The following SLC45A4 variants were observed in gnomAD, a reference collection of about 807,000 sequenced individuals.
The protein encoded by SLC45A4 is solute carrier family 45 member 4.
Under a neutral mutation model 63.7 loss-of-function variants are expected in SLC45A4, and 32 were observed. The observed-to-expected ratio is 0.50, with a 90% CI of 0.38 to 0.67. SLC45A4 has a LOEUF of 0.67. SLC45A4 is among the 30% of genes least tolerant of loss of function. SLC45A4 has a pLI of 0.00. For synonymous variants in SLC45A4, 535 were observed against 510.0 expected, an observed-to-expected ratio of 1.05 and a Z score of -0.66; for missense variants, 1,027 against 1,157.7, an observed-to-expected ratio of 0.89 and a Z score of 1.64.
At chr8:141,271,919 T>C (rs1347545007) in intron 1 of SLC45A4, among the ~76,000 whole-genome samples, 5 of 151,440 alleles carry the variant, frequency 3.3e-5, no homozygotes, top group Admixed American at 6.6e-5. Flanking sequence ...CGCTCACACG[T>C]GTGCAACACA....
Position 141,227,108 on chromosome 8 carries a change from C to T in SLC45A4, c.242-5343G>A, listed in dbSNP as rs577270278. 3.9e-4 allele frequency among the ~76,000 whole-genome samples: 60 copies of T among 152,320 alleles called. No homozygotes were observed. The highest frequency in any genetic ancestry group is 1.3e-3 in the African/African-American group (55 of 41,572). ...CCAGCCCGGCTCCAAACACACACAA[C>T]GCTGGGCCCAGTAAATAAGTTTTGT... is the stretch of plus-strand genomic sequence containing the variant. On this transcript the variant is annotated intron_variant, in intron 2 of 8. Coordinates refer to ENST00000517878, the MANE Select transcript of SLC45A4 (RefSeq NM_001286646.2). The surrounding 1 kb of genome is among the most constrained non-coding windows in gnomAD (Gnocchi z 4.4).
intron 1 of SLC45A4, among the ~76,000 whole-genome samples, chr8:141,306,931 A>G (rs968493329): frequency 1.3e-5 from 2 of 152,202 alleles, no homozygotes; most frequent in African/African-American, 4.8e-5. Flanking sequence ...ACAGCCCCCA[A>G]AACAGTAATA....
rs763779178 is a variant in SLC45A4 at position 141,218,957 on chromosome 8, C to T, written c.683G>A (p.Arg228Gln). 1.7e-5 allele frequency: 28 copies of T among 1,613,510 alleles called. No individual in the cohort carries two copies. The highest frequency in any genetic ancestry group is 5.0e-5 in the Admixed American group (3 of 60,002). Residue 228 changes from arginine to glutamine, a missense_variant, in exon 5 of 9, where the codon CGG (arginine) becomes CAG (glutamine). Coordinates refer to ENST00000517878, the MANE Select transcript of SLC45A4 (RefSeq NM_001286646.2). ...GAAGAAGAGCACCTGGTTCTGGGTCCGGAACCAGCTGCCCAGGAAGGTCTG... is the reference window on the plus strand; with the variant it reads ...GAAGAAGAGCACCTGGTTCTGGGTCTGGAACCAGCTGCCCAGGAAGGTCTG... ...WTQTFLGSWF[R>Q]TQNQVLFFFA...
chr8:141,277,901 C>G (rs1241835904), intron 1 of SLC45A4, among the ~76,000 whole-genome samples: 2 of 152,140 alleles, frequency 1.3e-5, no homozygotes, highest in African/African-American at 4.8e-5. Flanking sequence ...TTCAGCCTCA[C>G]AAAGTGAAAA....
chr8:141,253,973 C>T lies in SLC45A4; in HGVS notation c.241+16G>A, dbSNP rs774730922. On this transcript the variant is annotated intron_variant, in intron 2 of 8. Coordinates refer to ENST00000517878, the MANE Select transcript of SLC45A4 (RefSeq NM_001286646.2). Reference sequence around the variant, plus strand: ...CCGCTCAGCGTTCACTGCGCACAGACGGGGAGGAGACTTACCAATCTGCAA... The same window carrying T: ...CCGCTCAGCGTTCACTGCGCACAGATGGGGAGGAGACTTACCAATCTGCAA... 2.9e-5 allele frequency: 45 copies of T among 1,535,670 alleles called. No homozygotes were observed. Among genetic ancestry groups the T allele is most frequent in the African/African-American group, 1.4e-4 (10 of 73,042 alleles).
intron 2 of SLC45A4, among the ~76,000 whole-genome samples, chr8:141,234,662 C>T (rs890396727): frequency 1.3e-5 from 2 of 152,196 alleles, no homozygotes; most frequent in African/African-American, 4.8e-5. Context: ...TATTCTCCTG[C>T]GCGCTGCCAG....
At chr8:141,293,535 C>T (rs1242546377) in intron 1 of SLC45A4, among the ~76,000 whole-genome samples, 1 of 152,218 alleles carries the variant, frequency 6.6e-6, no homozygotes, top group Non-Finnish European at 1.5e-5. Flanking sequence ...CCACTGAAGA[C>T]AGTGTGGCAA....
intron 2 of SLC45A4, among the ~76,000 whole-genome samples, chr8:141,248,439 C>T (rs903129718): frequency 1.3e-5 from 2 of 151,936 alleles, no homozygotes; most frequent in African/African-American, 2.4e-5. Flanking sequence ...TGTGGTGGTG[C>T]GTACCTACAG....
intron 1 of SLC45A4, among the ~76,000 whole-genome samples, chr8:141,285,193 C>T (rs1830092410): frequency 1.3e-5 from 2 of 152,216 alleles, no homozygotes; most frequent in Non-Finnish European, 2.9e-5. Context: ...TGGTCACTGC[C>T]CTGCCCTGCC....
rs1397324609 is a variant in SLC45A4, at chr8:141,227,239, C to T, written c.242-5474G>A. Among the ~76,000 whole-genome samples, 1 of 151,988 alleles carries T rather than the reference C, an allele frequency of 6.6e-6. No homozygotes were observed. Among genetic ancestry groups the T allele is most frequent in the Non-Finnish European group, 1.5e-5 (1 of 68,018 alleles). Reference sequence around the variant, plus strand: ...GCCGCAGGCTGTGTGAGGTCACGGGCGACGCTCGGGTCACGTGTGGCGGCT... The same window carrying T: ...GCCGCAGGCTGTGTGAGGTCACGGGTGACGCTCGGGTCACGTGTGGCGGCT... On this transcript the variant is annotated intron_variant, in intron 2 of 8. Coordinates refer to ENST00000517878, the MANE Select transcript of SLC45A4 (RefSeq NM_001286646.2). The surrounding 1 kb of genome is among the most constrained non-coding windows in gnomAD (Gnocchi z 4.4).
At chr8:141,270,585 C>A (rs575863621) in intron 1 of SLC45A4, among the ~76,000 whole-genome samples, 1 of 151,838 alleles carries the variant, frequency 6.6e-6, no homozygotes, top group Non-Finnish European at 1.5e-5. Flanking sequence ...GTGGGAGAAC[C>A]GCTTGAGGCC....
intron 6 of SLC45A4, among the ~76,000 whole-genome samples, 162 bp downstream of exon 6, chr8:141,216,928 G>A (rs1040397148): frequency 3.3e-5 from 5 of 152,230 alleles, no homozygotes; most frequent in Non-Finnish European, 5.9e-5. Flanking sequence ...GAGGACATGG[G>A]AATTTCGATG....
In SLC45A4 at chr8:141,254,157, G is replaced by C. The variant is rs1210440715; in HGVS notation, c.73C>G (p.Pro25Ala). 3.9e-6 allele frequency: 6 copies of C among 1,536,158 alleles called. No homozygotes were observed. The change falls in exon 2 of 9, where the codon CCG (proline) becomes GCG (alanine). Residue 25 changes from proline (P) to alanine (A), a missense_variant. Transcript: ENST00000517878. This position sits in a 1 kb window ranked among gnomAD's most constrained non-coding sequence, Gnocchi z 4.5. The part of the protein sequence containing the change: ...VQELSVPLPD[P>A]QKAGGAEAEN... ...GCCTCTGCGCCTCCGGCTTTCTGCG[G>C]GTCCGGCAGGGGCACGGATAACTCT...
chr8:141,288,330 G>T (rs758770643), intron 1 of SLC45A4, among the ~76,000 whole-genome samples: 11 of 152,322 alleles, frequency 7.2e-5, no homozygotes, highest in South Asian at 6.2e-4. Context: ...CACAGAAAAG[G>T]AGATGCAAAT....
chr8:141,268,574 C>T (rs1351166374), intron 1 of SLC45A4, among the ~76,000 whole-genome samples: 1 of 152,158 alleles, frequency 6.6e-6, no homozygotes, highest in Non-Finnish European at 1.5e-5. Context: ...CTGTTATCTT[C>T]CTCTCAATTT....
At position 141,308,116 on chromosome 8, in the gene SLC45A4, CGCGGGGGCG is replaced by C. The variant is rs1830960345; in HGVS notation, c.-430_-422del. 1 of 141,672 alleles carries C rather than the reference CGCGGGGGCG, an allele frequency of 7.1e-6. No individual in the cohort carries two copies. Among genetic ancestry groups the C allele is most frequent in the African/African-American group, 2.6e-5 (1 of 38,264 alleles). The allele number at this position is 141,672 out of a possible 1,614,324, so 8.8% of individuals were successfully genotyped here. ...CTCACCTGTCTCCTCCGGCCGGGGCCGCGGGGGCGGCGGGGCGGCCGGGCCGGGCCGGGC... is the reference window on the plus strand; with the variant it reads ...CTCACCTGTCTCCTCCGGCCGGGGCCGCGGGGCGGCCGGGCCGGGCCGGGC... On this transcript the variant is annotated 5_prime_UTR_variant, in exon 1 of 9. Coordinates refer to ENST00000517878, the MANE Select transcript of SLC45A4 (RefSeq NM_001286646.2).
At chr8:141,271,517 C>T (rs1489707080) in intron 1 of SLC45A4, among the ~76,000 whole-genome samples, 1 of 152,220 alleles carries the variant, frequency 6.6e-6, no homozygotes, top group African/African-American at 2.4e-5. Context: ...GGGTGCCAAG[C>T]CCCTACCTCG....
chr8:141,234,765 T>C (rs1378236599), intron 2 of SLC45A4, among the ~76,000 whole-genome samples: 1 of 152,186 alleles, frequency 6.6e-6, no homozygotes, highest in African/African-American at 2.4e-5. Flanking sequence ...TGGAGAGGTC[T>C]CGACTGGCAC....
intron 1 of SLC45A4, among the ~76,000 whole-genome samples, chr8:141,263,244 G>T (rs1248258877): frequency 2.6e-5 from 4 of 151,262 alleles, no homozygotes; most frequent in South Asian, 4.2e-4. Flanking sequence ...GGGATAGCAT[G>T]AAGAGATATA....
Sources: allele counts gnomAD v4.1 joint callset (sites outside exome capture counted in the v4.1 genomes callset), GRCh38; gene constraint gnomAD v4.1.1; non-coding constraint Gnocchi (gnomAD v3.1); transcripts MANE v1.5; gene names NCBI Gene and HGNC (gene_info 2026-07-23, HGNC 2026-07-21).